NHEJ1: variants seen among roughly 807,000 people sequenced by gnomAD.
NHEJ1 encodes non-homologous end-joining factor 1.
NHEJ1 carries 22 observed loss-of-function variants against 39.4 expected under a neutral mutation model. The observed-to-expected ratio is 0.56, with a 90% confidence interval of 0.40 to 0.80. The LOEUF (loss-of-function observed/expected upper bound fraction) is 0.80, where lower values mean the gene tolerates loss of function less well. NHEJ1 is among the 30% of genes least tolerant of loss of function. The pLI, the probability that NHEJ1 is intolerant of heterozygous loss-of-function variation, is 0.00. For missense variants in NHEJ1, 329 were observed against 357.1 expected (o/e 0.92, Z 0.63); for synonymous variants, 154 against 135.6 (o/e 1.14, Z -0.94).
chr2:219,076,421 G>T lies in NHEJ1; in HGVS notation c.860C>A (p.Ser287Ter), dbSNP rs760280185. 7.4e-6 allele frequency: 12 copies of T among 1,613,978 alleles called. No individual in the cohort carries two copies. In the South Asian group the frequency reaches 1.3e-4, roughly 18 times the overall value. The change falls in exon 8 of 8, where the codon TCA (serine) becomes TAA (stop). Residue 287 changes from serine to a stop codon, truncating the protein, a stop_gained. Transcript: ENST00000356853. LOFTEE classifies it high-confidence loss of function. ...CCTTGGCTTCTTCCTCTTGACCTTT[G>T]ACAGCTGAGGTCTCTGCAGAGGGCC... ...TSGPLQRPQL[S>*]KVKRKKPRGL...
At chr2:219,157,706 A>G in intron 2 of NHEJ1, 22 bp from the exon 3 acceptor site, 1 of 1,595,054 alleles carries the variant, frequency 6.3e-7, no homozygotes, top group Non-Finnish European at 8.6e-7. Context: ...GCAGTGGTAC[A>G]GAGTAAGGGT....
intron 5 of NHEJ1, among the ~76,000 whole-genome samples, chr2:219,122,149 A>G (rs1949477340): frequency 6.6e-6 from 1 of 152,198 alleles, no homozygotes; most frequent in African/African-American, 2.4e-5. Context: ...CACGGCTGGT[A>G]AGTAGGGAGC....
At chr2:219,099,703 A>G (rs1245039392) in intron 5 of NHEJ1, among the ~76,000 whole-genome samples, 1 of 152,086 alleles carries the variant, frequency 6.6e-6, no homozygotes, top group Non-Finnish European at 1.5e-5. Flanking sequence ...CACTAGTAAG[A>G]GGACTATGAA....
rs1174889943 is a variant in NHEJ1 at position 219,071,639 on chromosome 2, A to T, written c.*4742T>A. 6.6e-6 allele frequency among the ~76,000 whole-genome samples: 1 copy of T among 152,202 alleles called. No homozygotes were observed. The highest frequency in any genetic ancestry group is 2.4e-5 in the African/African-American group (1 of 41,452). On this transcript the variant is annotated 3_prime_UTR_variant, in exon 8 of 8. Coordinates refer to ENST00000356853, the MANE Select transcript of NHEJ1 (RefSeq NM_024782.3). Reference sequence around the variant, plus strand: ...GGGCCCCAGAGTAAGGGCAGAGAGGAAGAGTGTGGCACTGCATGCTCCTTT... The same window carrying T: ...GGGCCCCAGAGTAAGGGCAGAGAGGTAGAGTGTGGCACTGCATGCTCCTTT...
In NHEJ1 at chr2:219,157,453, A is replaced by G; in HGVS notation, c.390+19T>C. On this transcript the variant is annotated intron_variant, in intron 3 of 7. Coordinates refer to ENST00000356853, the MANE Select transcript of NHEJ1 (RefSeq NM_024782.3). ...CAACTGGCATCCCTCCCCCAACCCCACATTCGAATTACACTTACCAGGGAA... is the reference window on the plus strand; with the variant it reads ...CAACTGGCATCCCTCCCCCAACCCCGCATTCGAATTACACTTACCAGGGAA... 6.2e-7 allele frequency: 1 copy of G among 1,605,712 alleles called. No homozygotes were observed. Among genetic ancestry groups the G allele is most frequent in the Non-Finnish European group, 8.5e-7 (1 of 1,173,544 alleles).
rs1201825978 is a variant in NHEJ1, at chr2:219,111,245, T to A, written c.589-33039A>T. 6.6e-6 allele frequency among the ~76,000 whole-genome samples: 1 copy of A among 152,164 alleles called. No homozygotes were observed. Among genetic ancestry groups the A allele is most frequent in the East Asian group, 1.9e-4 (1 of 5,190 alleles). On this transcript the variant is annotated intron_variant, in intron 5 of 7. Coordinates refer to ENST00000356853, the MANE Select transcript of NHEJ1 (RefSeq NM_024782.3). The surrounding 1 kb of genome is among the most constrained non-coding windows in gnomAD (Gnocchi z 4.1). ...AGACTACTAAAAGGTGGAAGCCAGA[T>A]TTATCTCACCCATTCTCCTCATTTA...
At chr2:219,095,664 T>C (rs190301812) in intron 5 of NHEJ1, among the ~76,000 whole-genome samples, 10 of 152,184 alleles carry the variant, frequency 6.6e-5, no homozygotes, top group African/African-American at 2.4e-4. Context: ...ATTAAATTCT[T>C]AAGAGCCTAG....
intron 3 of NHEJ1, among the ~76,000 whole-genome samples, chr2:219,151,383 C>T (rs1949793898): frequency 6.6e-6 from 1 of 152,178 alleles, no homozygotes; most frequent in Admixed American, 6.5e-5. Flanking sequence ...TGTATAAAAA[C>T]ATGAAACATG....
chr2:219,088,841 C>T (rs1949135244), intron 5 of NHEJ1, among the ~76,000 whole-genome samples: 1 of 152,178 alleles, frequency 6.6e-6, no homozygotes, highest in Non-Finnish European at 1.5e-5. Flanking sequence ...GAGACGGAGT[C>T]TCACTCTGTT....
chr2:219,101,812 G>C (rs565865232), intron 5 of NHEJ1, among the ~76,000 whole-genome samples: 2 of 150,270 alleles, frequency 1.3e-5, no homozygotes, highest in Non-Finnish European at 2.9e-5. Context: ...CGCAACTTCT[G>C]CCTCCCGGGT....
chr2:219,107,486 G>T (rs1285317979), intron 5 of NHEJ1, among the ~76,000 whole-genome samples: 2 of 152,176 alleles, frequency 1.3e-5, no homozygotes, highest in Non-Finnish European at 1.5e-5. Context: ...GCAGATGACA[G>T]GAACAAATGC....
chr2:219,091,683 T>C (rs541582452), intron 5 of NHEJ1, among the ~76,000 whole-genome samples: 1 of 152,322 alleles, frequency 6.6e-6, no homozygotes, highest in Admixed American at 6.5e-5. Context: ...AGGAAATATA[T>C]TCTGCTGCAA....
chr2:219,077,226 G>A lies in NHEJ1; in HGVS notation c.825+20C>T. 1 of 1,579,428 alleles carries A rather than the reference G, an allele frequency of 6.3e-7. No individual in the cohort carries two copies. Among genetic ancestry groups the A allele is most frequent in the Non-Finnish European group, 8.7e-7 (1 of 1,148,672 alleles). On this transcript the variant is annotated intron_variant, in intron 7 of 7. Transcript: ENST00000356853. ...GTGCCAACTCTCAGAACACCATCCA[G>A]GAAGCTGCTCATGACTCACCGTGGA... is the stretch of plus-strand genomic sequence containing the variant.
At position 219,142,973 on chromosome 2, in the gene NHEJ1, C is replaced by T. The variant is rs543674201; in HGVS notation, c.588+3707G>A. Among the ~76,000 whole-genome samples the T allele has an allele frequency of 7.3e-4, 111 of 152,282 alleles. 1 individual carries two copies. The highest frequency in any genetic ancestry group is 2.4e-3 in the African/African-American group (100 of 41,552). On this transcript the variant is annotated intron_variant, in intron 5 of 7. Coordinates refer to ENST00000356853, the MANE Select transcript of NHEJ1 (RefSeq NM_024782.3). ...AAGGACCAAATAGGGAGAAGTAACCCCTGTTCAATTCTTATTTTCCCGAGC... is the reference window on the plus strand; with the variant it reads ...AAGGACCAAATAGGGAGAAGTAACCTCTGTTCAATTCTTATTTTCCCGAGC...
rs143557047 is a variant in NHEJ1, at chr2:219,137,595, A to AAAAAAAAAAAAAAAAAAAAAAAAC, written c.588+9084_588+9085insGTTTTTTTTTTTTTTTTTTTTTTT. The stretch of plus-strand genomic sequence containing the variant: ...CAAAAAAAAAAAAAAAAAAAAAACA[A>AAAAAAAAAAAAAAAAAAAAAAAAC]AAAAAACTGAAAACCACCTTCAGAA... On this transcript the variant is annotated intron_variant, in intron 5 of 7. Transcript: ENST00000356853. Among the ~76,000 whole-genome samples the AAAAAAAAAAAAAAAAAAAAAAAAC allele has an allele frequency of 8.0e-4, 66 of 82,748 alleles. 3 individuals carry two copies. Among genetic ancestry groups the AAAAAAAAAAAAAAAAAAAAAAAAC allele is most frequent in the Non-Finnish European group, 1.5e-3 (50 of 32,964 alleles). 54.3% of individuals were successfully genotyped at this position (82,748 alleles called of 152,430 possible).
At chr2:219,144,026 C>A (rs1015322707) in intron 5 of NHEJ1, among the ~76,000 whole-genome samples, 1 of 152,138 alleles carries the variant, frequency 6.6e-6, no homozygotes, top group Non-Finnish European at 1.5e-5. Flanking sequence ...CATGGTAAAA[C>A]CCTGTCTCTA....
chr2:219,135,810 T>C (rs1949621940), intron 5 of NHEJ1, among the ~76,000 whole-genome samples: 1 of 152,198 alleles, frequency 6.6e-6, no homozygotes, highest in African/African-American at 2.4e-5. Flanking sequence ...AGATCCTGTC[T>C]CTTTTAGAAA....
At chr2:219,156,171 C>T (rs1949853284) in intron 3 of NHEJ1, among the ~76,000 whole-genome samples, 1 of 152,008 alleles carries the variant, frequency 6.6e-6, no homozygotes, top group African/African-American at 2.4e-5. Flanking sequence ...GTGGCATGAA[C>T]CCGGGAGGCG....
chr2:219,089,104 C>T (rs1949138218), intron 5 of NHEJ1, among the ~76,000 whole-genome samples: 1 of 152,154 alleles, frequency 6.6e-6, no homozygotes, highest in Non-Finnish European at 1.5e-5. Context: ...CAGGCATGAG[C>T]CATTGCGCCC....
Sources: gnomAD v4.1 joint callset for allele counts (sites outside exome capture counted in the v4.1 genomes callset) on GRCh38, gnomAD v4.1.1 for gene constraint, Gnocchi (gnomAD v3.1) non-coding constraint, MANE v1.5 for transcripts, NCBI Gene and HGNC (gene_info 2026-07-23, HGNC 2026-07-21) for gene names.